Variants in AKR1C3 observed in about 807,000 individuals in gnomAD.
AKR1C3 encodes the protein aldo-keto reductase family 1 member C3.
AKR1C3 carries 48 observed loss-of-function variants against 43.6 expected under a neutral mutation model. The observed-to-expected ratio is 1.10, with a 90% CI of 0.87 to 1.40. The LOEUF is 1.40. AKR1C3 is among the 40% of genes most tolerant of loss of function. The pLI is 0.00. For missense variants in AKR1C3, 482 were observed against 391.2 expected (o/e 1.23, Z -1.96); for synonymous variants, 162 against 139.6 (o/e 1.16, Z -1.13).
intron 1 of AKR1C3, 104 bp from the exon 2 acceptor site, chr10:5,096,306 C>A: frequency 7.2e-7 from 1 of 1,390,654 alleles, no homozygotes; most frequent in South Asian, 1.4e-5. Context: ...ACCCCACATA[C>A]AGACAGGAGG....
At chr10:5,092,720 A>C (rs1377180464), upstream of AKR1C3, among the ~76,000 whole-genome samples, 1 of 151,858 alleles carries the variant, frequency 6.6e-6, no homozygotes, top group Non-Finnish European at 1.5e-5. Context: ...CTATTTCCAT[A>C]TTTTTAATTG....
chr10:5,062,175 C>T (rs1348787620), intron 1 of AKR1C3, among the ~76,000 whole-genome samples: 1 of 152,166 alleles, frequency 6.6e-6, no homozygotes, highest in Non-Finnish European at 1.5e-5. Flanking sequence ...TGGTTTTTGA[C>T]CTGGGCACAC....
intron 1 of AKR1C3, among the ~76,000 whole-genome samples, chr10:5,056,715 T>C (rs552844095): frequency 2.4e-4 from 37 of 152,210 alleles, no homozygotes; most frequent in Non-Finnish European, 4.1e-4. Context: ...GGACAACAAA[T>C]GGGTAACTTG....
upstream of AKR1C3, chr10:5,093,402 G>A (rs139194423): frequency 2.0e-5 from 3 of 151,992 alleles, no homozygotes; most frequent in African/African-American, 7.2e-5. Flanking sequence ...TATTATTTGA[G>A]GAAAAGTAAA....
intron 7 of AKR1C3, among the ~76,000 whole-genome samples, chr10:5,103,998 A>G (rs1839429047): frequency 6.6e-6 from 1 of 152,112 alleles, no homozygotes. Flanking sequence ...ATACATATAT[A>G]TATTCTGGGT....
chr10:5,107,646 A>G lies in AKR1C3; in HGVS notation c.*143A>G. ...ACTTCAGTCAACTACAGCTGAGTCCATAGGCCAGAAAGACAATAAATTTTT... is the reference window on the plus strand; with the variant it reads ...ACTTCAGTCAACTACAGCTGAGTCCGTAGGCCAGAAAGACAATAAATTTTT... On this transcript the variant is annotated 3_prime_UTR_variant, in exon 9 of 9. Transcript: ENST00000380554. 2 of 612,000 alleles carry G rather than the reference A, an allele frequency of 3.3e-6. No homozygotes were observed. The highest frequency in any genetic ancestry group is 3.4e-5 in the Admixed American group (1 of 29,716). The allele number at this position is 612,000 out of a possible 1,614,324, so 37.9% of individuals were successfully genotyped here.
rs71391987 is a variant in AKR1C3, at chr10:5,063,765, C to CAAAAAAAAAAAAAAAA, written c.84+14879_84+14894dup. 3.0e-3 allele frequency among the ~76,000 whole-genome samples: 138 copies of CAAAAAAAAAAAAAAAA among 46,424 alleles called. 25 individuals carry two copies. Among genetic ancestry groups the CAAAAAAAAAAAAAAAA allele is most frequent in the Admixed American group, 5.1e-3 (13 of 2,556 alleles). The allele number at this position is 46,424 out of a possible 152,430, so 30.5% of individuals were successfully genotyped here. On this transcript the variant is annotated intron_variant, in intron 1 of 8. Transcript: ENST00000439082. ...AGGACAGAGGTAGTCTCTGTCTCAG[C>CAAAAAAAAAAAAAAAA]AAAAAAAAAAAAAAAAAAAAAAAAG...
intron 1 of AKR1C3, among the ~76,000 whole-genome samples, chr10:5,076,159 C>A (rs1180771757): frequency 1.3e-5 from 2 of 152,182 alleles, no homozygotes; most frequent in African/African-American, 2.4e-5. Context: ...ATCATAGCAA[C>A]AACTCTAGTA....
At chr10:5,096,354 T>C in intron 1 of AKR1C3, 56 bp from the exon 2 acceptor site, 1 of 1,571,118 alleles carries the variant, frequency 6.4e-7, no homozygotes, top group East Asian at 2.3e-5. Context: ...TGCTTGTGCC[T>C]GAACTACCTC....
chr10:5,062,032 C>T (rs1554780304), intron 1 of AKR1C3, among the ~76,000 whole-genome samples: 1 of 152,326 alleles, frequency 6.6e-6, no homozygotes, highest in Middle Eastern at 3.4e-3. Context: ...ACAACTCTTA[C>T]AAAGACATGT....
chr10:5,073,248 C>T (rs34280922), intron 1 of AKR1C3, among the ~76,000 whole-genome samples: 12,811 of 152,196 alleles, frequency 0.084, 738 homozygotes, highest in Non-Finnish European at 0.13. Flanking sequence ...AGGTGTGAGC[C>T]ACTGCACCCA....
intron 1 of AKR1C3, among the ~76,000 whole-genome samples, chr10:5,053,834 G>A (rs544047059): frequency 6.6e-6 from 1 of 152,338 alleles, no homozygotes; most frequent in African/African-American, 2.4e-5. Flanking sequence ...AGGGGTCCTT[G>A]GTAGAAGTTG....
Position 5,096,527 on chromosome 10 carries a change from AAGATTGC to A in AKR1C3, c.207_213del (p.Ile69MetfsTer4). 2 of 1,613,866 alleles carry A rather than the reference AAGATTGC, an allele frequency of 1.2e-6. No individual in the cohort carries two copies. The highest frequency in any genetic ancestry group is 1.1e-5 in the South Asian group (1 of 91,070). ...GCAGGTTGGACTGGCCATCCGAAGC[AAGATTGC>A]AGATGGCAGTGTGAAGAGAGAAGAC... On this transcript the variant is annotated frameshift_variant, in exon 2 of 9. Transcript: ENST00000380554. LOFTEE classifies it high-confidence loss of function.
In AKR1C3 at chr10:5,096,529, G is replaced by A. The variant is rs968643833; in HGVS notation, c.204G>A (p.Lys68=). The A allele has an allele frequency of 2.6e-5, 42 of 1,613,840 alleles. No homozygotes were observed. Among genetic ancestry groups the A allele is most frequent in the Non-Finnish European group, 3.6e-5 (42 of 1,179,794 alleles). ...EEQVGLAIRS[K]IADGSVKRED... is the part of the protein sequence containing the mutation. ...AGGTTGGACTGGCCATCCGAAGCAA[G>A]ATTGCAGATGGCAGTGTGAAGAGAG... is the stretch of plus-strand genomic sequence containing the variant. Residue 68 remains lysine (K), a synonymous_variant, in exon 2 of 9, where the codon AAG becomes AAA. Coordinates refer to ENST00000380554, the MANE Select transcript of AKR1C3 (RefSeq NM_003739.6).
chr10:5,086,819 A>T (rs1232652926), intron 1 of AKR1C3, among the ~76,000 whole-genome samples: 1 of 152,004 alleles, frequency 6.6e-6, no homozygotes, highest in Non-Finnish European at 1.5e-5. Context: ...TGATCCTTTT[A>T]CCATTATGTA....
intron 1 of AKR1C3, among the ~76,000 whole-genome samples, chr10:5,085,365 T>A (rs1191918967): frequency 6.6e-6 from 1 of 152,096 alleles, no homozygotes; most frequent in Non-Finnish European, 1.5e-5. Context: ...TCTGTTTATA[T>A]GCTGGATTAC....
At chr10:5,101,252 C>T (rs782381468) in intron 5 of AKR1C3, among the ~76,000 whole-genome samples, 1 of 152,164 alleles carries the variant, frequency 6.6e-6, no homozygotes, top group Admixed American at 6.5e-5. Context: ...CAGAAGAAGT[C>T]ATATTCCATG....
intron 1 of AKR1C3, among the ~76,000 whole-genome samples, chr10:5,073,762 C>CT (rs1554781546): frequency 1.3e-5 from 2 of 152,192 alleles, no homozygotes; most frequent in East Asian, 1.9e-4. Flanking sequence ...GAACATCACC[C>CT]TCACCTTGGG....
chr10:5,102,701 C>A lies in AKR1C3; in HGVS notation c.846+51C>A, dbSNP rs36003741. 3.4e-3 allele frequency: 4,930 copies of A among 1,449,982 alleles called. 127 individuals are homozygous for A. The African/African-American group carries it at 0.062, about 18-fold the overall frequency. The allele number at this position is 1,449,982 out of a possible 1,614,324, so 89.8% of individuals were successfully genotyped here. ...GGTCTCCTGCACAGTGTCCTTCACA[C>A]GTGTGCTTCTTGTAAGGCTCTCAGG... On this transcript the variant is annotated intron_variant, in intron 7 of 8. Coordinates refer to ENST00000380554, the MANE Select transcript of AKR1C3 (RefSeq NM_003739.6).
Sources: allele counts gnomAD v4.1 joint callset (sites outside exome capture counted in the v4.1 genomes callset), GRCh38; gene constraint gnomAD v4.1.1; transcripts MANE v1.5; gene names NCBI Gene and HGNC (gene_info 2026-07-23, HGNC 2026-07-21).